The following CCDC7 variants were observed in gnomAD, a reference collection of about 807,000 sequenced individuals.
CCDC7 encodes the protein coiled-coil domain-containing protein 7.
A neutral mutation model predicts 196.9 loss-of-function variants in CCDC7; 183 were observed. The observed-to-expected ratio is 0.93, with a 90% CI of 0.82 to 1.05. The LOEUF (loss-of-function observed/expected upper bound fraction) is 1.05, where lower values mean the gene tolerates loss of function less well. Among genes scored for constraint, CCDC7 ranks in the 50% least tolerant of loss-of-function variants. The probability of loss-of-function intolerance (pLI) is 0.00; values close to 1 mark genes in which losing one functional copy is unlikely to be tolerated. For synonymous variants in CCDC7, 525 were observed against 484.6 expected, an observed-to-expected ratio of 1.08 and a Z score of -1.10; for missense variants, 1,540 against 1,482.2, an observed-to-expected ratio of 1.04 and a Z score of -0.64.
chr10:32,754,811 G>C (rs1441612996), intron 28 of CCDC7, among the ~76,000 whole-genome samples: 1 of 152,136 alleles, frequency 6.6e-6, no homozygotes, highest in Admixed American at 6.5e-5. Flanking sequence ...AGCTGAAGCA[G>C]GGCGGGGCAC....
intron 30 of CCDC7, among the ~76,000 whole-genome samples, chr10:32,813,686 C>T (rs2087681907): frequency 1.3e-5 from 2 of 152,224 alleles, no homozygotes; most frequent in South Asian, 4.1e-4. Flanking sequence ...TTGAAAGATA[C>T]ATTATCATCA....
intron 29 of CCDC7, among the ~76,000 whole-genome samples, chr10:32,792,021 C>A (rs2082777567): frequency 6.6e-6 from 1 of 151,962 alleles, no homozygotes; most frequent in Non-Finnish European, 1.5e-5. Flanking sequence ...TTGTAGAAAT[C>A]TTGCGGGCCA....
chr10:32,722,206 T>C (rs1320903938), intron 25 of CCDC7, among the ~76,000 whole-genome samples: 1 of 152,136 alleles, frequency 6.6e-6, no homozygotes, highest in Non-Finnish European at 1.5e-5. Context: ...CAAATGGCTC[T>C]AACTAGAGCA....
intron 11 of CCDC7, among the ~76,000 whole-genome samples, chr10:32,526,656 C>T (rs796066281): frequency 6.6e-6 from 1 of 152,192 alleles, no homozygotes; most frequent in African/African-American, 2.4e-5. Context: ...TCCTTCACTT[C>T]AAGGCAGCAT....
intron 20 of CCDC7, among the ~76,000 whole-genome samples, chr10:32,661,056 A>G (rs1482036496): frequency 1.3e-5 from 2 of 148,248 alleles, no homozygotes; most frequent in African/African-American, 2.5e-5. Context: ...AAATGGGAGA[A>G]AATTTTCACA....
chr10:32,579,981 C>A (rs973278235), intron 16 of CCDC7, among the ~76,000 whole-genome samples: 1 of 151,830 alleles, frequency 6.6e-6, no homozygotes, highest in African/African-American at 2.4e-5. Context: ...GAAAAACTTA[C>A]AAGCAGAATA....
intron 32 of CCDC7, among the ~76,000 whole-genome samples, chr10:32,834,584 C>A (rs1424702831): frequency 6.6e-6 from 1 of 151,666 alleles, no homozygotes; most frequent in Non-Finnish European, 1.5e-5. Context: ...TTGTTCAAAT[C>A]ACTAAACTTC....
chr10:32,733,175 C>A (rs1051710200), intron 28 of CCDC7, among the ~76,000 whole-genome samples: 5 of 151,852 alleles, frequency 3.3e-5, no homozygotes, highest in Admixed American at 6.6e-5. Context: ...AATATGAATA[C>A]CTTATGAAAC....
At chr10:32,542,807 A>G (rs2051714015) in intron 11 of CCDC7, among the ~76,000 whole-genome samples, 1 of 152,182 alleles carries the variant, frequency 6.6e-6, no homozygotes, top group Non-Finnish European at 1.5e-5. Context: ...CACTTTCACA[A>G]ACAAGTTTCA....
chr10:32,471,159 A>T, exon 6 of CCDC7: 1 of 1,613,002 alleles, frequency 6.2e-7, no homozygotes, highest in Non-Finnish European at 8.5e-7. Flanking sequence ...TTGTACAAAG[A>T]TTTGAAGAAC....
intron 41 of CCDC7, among the ~76,000 whole-genome samples, chr10:32,868,049 A>G (rs994802018): frequency 6.6e-6 from 1 of 151,932 alleles, no homozygotes; most frequent in Non-Finnish European, 1.5e-5. Flanking sequence ...TATTTCACTT[A>G]GCATAATGTC....
At chr10:32,862,735 GA>G (rs1475902299) in intron 41 of CCDC7, among the ~76,000 whole-genome samples, 2 of 151,898 alleles carry the variant, frequency 1.3e-5, no homozygotes, top group Non-Finnish European at 2.9e-5. Flanking sequence ...AAATCAGAAA[GA>G]AAAATACTCT....
intron 28 of CCDC7, among the ~76,000 whole-genome samples, chr10:32,733,785 G>A (rs2132878641): frequency 6.6e-6 from 1 of 152,156 alleles, no homozygotes. Flanking sequence ...TTTATTTATT[G>A]TGTGCAAATT....
chr10:32,805,036 G>A (rs558645710), exon 30 of CCDC7: 1 of 1,611,408 alleles, frequency 6.2e-7, no homozygotes, highest in Admixed American at 1.7e-5. Flanking sequence ...GAAAGCTTGA[G>A]AGGTGCTTTG....
At chr10:32,643,697 A>C (rs2067238149) in intron 20 of CCDC7, among the ~76,000 whole-genome samples, 1 of 151,970 alleles carries the variant, frequency 6.6e-6, no homozygotes, top group South Asian at 2.1e-4. Flanking sequence ...CTCTTGGAAA[A>C]ATAAAATTGA....
At chr10:32,648,033 A>G (rs1273676441) in intron 20 of CCDC7, among the ~76,000 whole-genome samples, 1 of 152,234 alleles carries the variant, frequency 6.6e-6, no homozygotes, top group Non-Finnish European at 1.5e-5. Context: ...TTCAACTTCA[A>G]TATTCTGCAT....
At chr10:32,451,529 A>G (rs2033075627), upstream of CCDC7, 3 of 1,389,182 alleles carry the variant, frequency 2.2e-6, no homozygotes, top group Non-Finnish European at 2.9e-6. Context: ...AAAAAGAGAA[A>G]TGTAGTATGT....
intron 8 of CCDC7, among the ~76,000 whole-genome samples, chr10:32,487,103 A>G (rs1243295348): frequency 6.6e-6 from 1 of 151,974 alleles, no homozygotes; most frequent in Non-Finnish European, 1.5e-5. Context: ...ACTTGGTTCC[A>G]TTCTCCCCAT....
intron 8 of CCDC7, among the ~76,000 whole-genome samples, chr10:32,484,733 T>G (rs910586454): frequency 2.0e-5 from 3 of 152,224 alleles, no homozygotes; most frequent in African/African-American, 7.2e-5. Flanking sequence ...GTCAAAGGCC[T>G]TTTCTGCATC....
Sources: allele counts gnomAD v4.1 joint callset (sites outside exome capture counted in the v4.1 genomes callset), GRCh38; gene constraint gnomAD v4.1.1; transcripts MANE v1.5; gene names NCBI Gene and HGNC (gene_info 2026-07-23, HGNC 2026-07-21).